The following SGK3 variants were observed in gnomAD, a reference collection of about 807,000 sequenced individuals.
The protein encoded by SGK3 is serum/glucocorticoid regulated kinase family member 3.
A neutral mutation model predicts 68.5 loss-of-function variants in SGK3; 47 were observed. That is an observed-to-expected ratio of 0.69 (90% confidence interval 0.54 to 0.87). The LOEUF is 0.87. SGK3 is among the 40% of genes least tolerant of loss of function. The probability of loss-of-function intolerance (pLI) is 0.00; values close to 1 mark genes in which losing one functional copy is unlikely to be tolerated. For synonymous variants in SGK3, 181 were observed against 189.1 expected (o/e 0.96, Z 0.35); for missense variants, 479 against 575.5 (o/e 0.83, Z 1.72).
Position 66,723,113 on chromosome 8 carries a change from ATATATATATATATATATATTT to A in SGK3, c.-122+10282_-122+10302del, listed in dbSNP as rs1290099925. 2.4e-4 allele frequency among the ~76,000 whole-genome samples: 12 copies of A among 49,082 alleles called. 2 individuals carry two copies. The East Asian group carries it at 4.1e-3, about 17-fold the overall frequency. The allele number at this position is 49,082 out of a possible 152,430, so 32.2% of individuals were successfully genotyped here. A position where few individuals can be genotyped will look rare whatever the true frequency, so the allele number is the denominator to read the frequency against. ...TTCATATATATATATATATATATAT[ATATATATATATATATATATTT>A]TTTTTTTTTTTTTTTTTTGTAAAAG... is the stretch of plus-strand genomic sequence containing the variant. On this transcript the variant is annotated intron_variant, in intron 1 of 16. Coordinates refer to ENST00000521198, the MANE Select transcript of SGK3 (RefSeq NM_001033578.3).
intron 1 of SGK3, among the ~76,000 whole-genome samples, chr8:66,727,391 G>A (rs918249897): frequency 6.6e-6 from 1 of 152,004 alleles, no homozygotes; most frequent in Non-Finnish European, 1.5e-5. Context: ...GCCACCATGA[G>A]CCAGGTCTGA....
At position 66,793,708 on chromosome 8, in the gene SGK3, C is replaced by T; in HGVS notation, c.-29C>T. 1.2e-6 allele frequency: 2 copies of T among 1,602,402 alleles called. No individual in the cohort carries two copies. Among genetic ancestry groups the T allele is most frequent in the Non-Finnish European group, 1.7e-6 (2 of 1,173,330 alleles). ...CCTCTGCTGACTGTTTCTTCGGATG[C>T]ATTTTTTGGTGTGCTCTTGAGGGAT... On this transcript the variant is annotated 5_prime_UTR_variant, in exon 2 of 17. Transcript: ENST00000521198.
At chr8:66,752,660 C>T (rs923007835) in intron 1 of SGK3, among the ~76,000 whole-genome samples, 1 of 151,724 alleles carries the variant, frequency 6.6e-6, no homozygotes, top group African/African-American at 2.4e-5. Context: ...TAGAGAAATG[C>T]AAGCTGTTTT....
Position 66,828,902 on chromosome 8 carries a change from T to C in SGK3, c.467+199T>C, listed in dbSNP as rs548869512. Reference sequence around the variant, plus strand: ...TAGGATAGCCCTGAGGAATTTTTAATCCACAGATTGTTAATTGGGTTCTGC... The same window carrying C: ...TAGGATAGCCCTGAGGAATTTTTAACCCACAGATTGTTAATTGGGTTCTGC... On this transcript the variant is annotated intron_variant, in intron 7 of 16. Transcript: ENST00000521198. Among the ~76,000 whole-genome samples the C allele has an allele frequency of 3.0e-3, 435 of 142,728 alleles. 4 individuals are homozygous for C. The highest frequency in any genetic ancestry group is 0.011 in the African/African-American group (417 of 38,594). The allele number at this position is 142,728 out of a possible 152,430, so 93.6% of individuals were successfully genotyped here.
At chr8:66,777,790 A>T (rs1806771256) in intron 1 of SGK3, among the ~76,000 whole-genome samples, 1 of 152,250 alleles carries the variant, frequency 6.6e-6, no homozygotes, top group Admixed American at 6.5e-5. Context: ...TACAGTCTGT[A>T]TCTCCTATAG....
At chr8:66,713,381 C>T (rs749483235) in intron 1 of SGK3, among the ~76,000 whole-genome samples, 1 of 152,130 alleles carries the variant, frequency 6.6e-6, no homozygotes, top group Non-Finnish European at 1.5e-5. Context: ...TTTTTAGATT[C>T]TGTCATTTTT....
At chr8:66,834,237 A>G (rs1809417328) in intron 8 of SGK3, among the ~76,000 whole-genome samples, 1 of 151,220 alleles carries the variant, frequency 6.6e-6, no homozygotes, top group African/African-American at 2.4e-5. Context: ...AAAATATGAG[A>G]ACTATGCTAT....
intron 1 of SGK3, among the ~76,000 whole-genome samples, chr8:66,790,069 C>T (rs1807375635): frequency 6.6e-6 from 1 of 151,944 alleles, no homozygotes; most frequent in Admixed American, 6.6e-5. Context: ...CAGAGTGAGA[C>T]CCCATCTCAA....
intron 14 of SGK3, among the ~76,000 whole-genome samples, chr8:66,846,981 C>G (rs750035429): frequency 2.0e-5 from 3 of 152,022 alleles, no homozygotes; most frequent in Admixed American, 6.6e-5. Flanking sequence ...ACAAACTGGC[C>G]CTAATTCATT....
intron 6 of SGK3, among the ~76,000 whole-genome samples, chr8:66,827,110 G>A (rs1253462761): frequency 2.0e-5 from 3 of 151,682 alleles, no homozygotes; most frequent in Non-Finnish European, 2.9e-5. Context: ...GGCCTGGTGC[G>A]GTGGCTCACG....
chr8:66,714,985 T>G (rs1379869162), intron 1 of SGK3, among the ~76,000 whole-genome samples: 1 of 152,182 alleles, frequency 6.6e-6, no homozygotes, highest in Non-Finnish European at 1.5e-5. Context: ...AAAACATGTC[T>G]CTCAAAATAC....
intron 1 of SGK3, among the ~76,000 whole-genome samples, chr8:66,721,801 A>G (rs973845203): frequency 6.6e-6 from 1 of 152,032 alleles, no homozygotes; most frequent in Non-Finnish European, 1.5e-5. Context: ...CTTGAAAGCT[A>G]ACTCTCAGAT....
intron 1 of SGK3, among the ~76,000 whole-genome samples, chr8:66,743,053 C>G (rs1372596330): frequency 1.3e-5 from 2 of 152,136 alleles, no homozygotes; most frequent in African/African-American, 4.8e-5. Context: ...TGCCATCCTC[C>G]CTGCCTCCAC....
chr8:66,797,238 A>C (rs1034087044), intron 2 of SGK3, among the ~76,000 whole-genome samples: 11 of 152,308 alleles, frequency 7.2e-5, no homozygotes, highest in South Asian at 2.1e-4. Flanking sequence ...AGAAACTCAC[A>C]ATCATATAAA....
At chr8:66,735,138 A>G (rs767597891) in intron 1 of SGK3, among the ~76,000 whole-genome samples, 20 of 152,176 alleles carry the variant, frequency 1.3e-4, no homozygotes, top group Non-Finnish European at 2.5e-4. Context: ...AACATAGTCT[A>G]TGTAGGGTTT....
In SGK3 at chr8:66,723,113, ATATATATATATATATATATT is replaced by A. The variant is rs1382222934; in HGVS notation, c.-122+10282_-122+10301del. 5.1e-4 allele frequency among the ~76,000 whole-genome samples: 25 copies of A among 49,084 alleles called. No individual in the cohort carries two copies. The East Asian group carries it at 6.5e-3, about 13-fold the overall frequency. The allele number at this position is 49,084 out of a possible 152,430, so 32.2% of individuals were successfully genotyped here. On this transcript the variant is annotated intron_variant, in intron 1 of 16. Coordinates refer to ENST00000521198, the MANE Select transcript of SGK3 (RefSeq NM_001033578.3). ...TTCATATATATATATATATATATAT[ATATATATATATATATATATT>A]TTTTTTTTTTTTTTTTTTTGTAAAA...
At chr8:66,847,162 C>G (rs376073551) in intron 14 of SGK3, 31 bp from the exon 15 acceptor site, 127 of 1,584,540 alleles carry the variant, frequency 8.0e-5, no homozygotes, top group Non-Finnish European at 1.0e-4. Context: ...TTGTTTACCA[C>G]TAAGTTTATT....
chr8:66,813,457 A>G (rs922332227), intron 4 of SGK3, among the ~76,000 whole-genome samples: 1 of 151,968 alleles, frequency 6.6e-6, no homozygotes, highest in Non-Finnish European at 1.5e-5. Context: ...TTTTTAAATT[A>G]CCGTGATTTT....
intron 4 of SGK3, 151 bp downstream of exon 4, chr8:66,804,598 C>A (rs1472576202): frequency 3.2e-5 from 25 of 774,996 alleles, no homozygotes; most frequent in Non-Finnish European, 4.9e-5. Context: ...TTACTGTCTA[C>A]TAGGCATTGT....
Sources: allele counts gnomAD v4.1 joint callset (sites outside exome capture counted in the v4.1 genomes callset), GRCh38; gene constraint gnomAD v4.1.1; transcripts MANE v1.5; gene names NCBI Gene and HGNC (gene_info 2026-07-23, HGNC 2026-07-21).